CD109: variants seen among roughly 807,000 people sequenced by gnomAD.
The protein encoded by CD109 is CD109 antigen.
In CD109, 149 loss-of-function variants were observed where a neutral mutation model predicts 165.8. The observed-to-expected ratio is 0.90, with a 90% CI of 0.79 to 1.03. The LOEUF (loss-of-function observed/expected upper bound fraction) is 1.03, where lower values mean the gene tolerates loss of function less well. CD109 is among the 50% of genes least tolerant of loss of function. The probability of loss-of-function intolerance (pLI) is 0.00; values close to 1 mark genes in which losing one functional copy is unlikely to be tolerated. For missense variants in CD109, 1,712 were observed against 1,677.8 expected, an observed-to-expected ratio of 1.02 and a Z score of -0.36; for synonymous variants, 585 against 592.1, an observed-to-expected ratio of 0.99 and a Z score of 0.18.
At chr6:73,756,026 C>T (rs938207839) in intron 5 of CD109, among the ~76,000 whole-genome samples, 5 of 151,890 alleles carry the variant, frequency 3.3e-5, no homozygotes, top group South Asian at 4.1e-4. Context: ...ATAAATGATA[C>T]GATAATAGCC....
intron 5 of CD109, among the ~76,000 whole-genome samples, chr6:73,755,966 AC>A (rs1773373870): frequency 1.3e-5 from 2 of 152,090 alleles, no homozygotes; most frequent in Non-Finnish European, 2.9e-5. Flanking sequence ...GTCTGAAAAA[AC>A]AAAAACAAAA....
chr6:73,800,917 G>A (rs1775339196), intron 23 of CD109, among the ~76,000 whole-genome samples: 2 of 151,852 alleles, frequency 1.3e-5, no homozygotes, highest in Admixed American at 1.3e-4. Context: ...TAATTTATTT[G>A]TTAAGCCTTG....
At chr6:73,797,450 G>A (rs948989553) in intron 23 of CD109, among the ~76,000 whole-genome samples, 1 of 152,160 alleles carries the variant, frequency 6.6e-6, no homozygotes, top group African/African-American at 2.4e-5. Context: ...TTCAGAATTC[G>A]GATGTTGCCA....
intron 23 of CD109, among the ~76,000 whole-genome samples, chr6:73,802,006 G>A (rs1775372752): frequency 1.3e-5 from 2 of 152,048 alleles, no homozygotes; most frequent in South Asian, 2.1e-4. Flanking sequence ...TTTATTTTTA[G>A]CAAGTTAGTT....
intron 31 of CD109, among the ~76,000 whole-genome samples, chr6:73,820,012 T>C (rs3012570): frequency 0.59 from 89,050 of 152,058 alleles, 26,919 homozygotes; most frequent in African/African-American, 0.74. Flanking sequence ...ATAGGCTGGC[T>C]TTGTGTACCC....
At position 73,810,193 on chromosome 6, in the gene CD109, T is replaced by A; in HGVS notation, c.3546+19T>A. The A allele has an allele frequency of 7.1e-7, 1 of 1,402,126 alleles. No individual in the cohort carries two copies. Among genetic ancestry groups the A allele is most frequent in the Non-Finnish European group, 9.6e-7 (1 of 1,045,254 alleles). 86.9% of individuals were successfully genotyped at this position (1,402,126 alleles called of 1,614,324 possible). ...TACTCAGGTGAGAGATGATAGTTTT[T>A]TCCCTTTAAACTATAATATATAATA... On this transcript the variant is annotated intron_variant, in intron 27 of 32. Transcript: ENST00000287097.
rs1449378985 is a variant in CD109 at position 73,782,660 on chromosome 6, A to G, written c.2010A>G (p.Gly670=). Residue 670 remains glycine (G), a synonymous_variant, in exon 18 of 33, where the codon GGA becomes GGG. Coordinates refer to ENST00000287097, the MANE Select transcript of CD109 (RefSeq NM_133493.5). ...AGAGGTTTATGGAGGAAAATGAAGGACATATTGTAGATATTCATGACTTTT... is the reference window on the plus strand; with the variant it reads ...AGAGGTTTATGGAGGAAAATGAAGGGCATATTGTAGATATTCATGACTTTT... ...YAERFMEENE[G]HIVDIHDFSL... 6.2e-7 allele frequency: 1 copy of G among 1,613,716 alleles called. No individual in the cohort carries two copies. Among genetic ancestry groups the G allele is most frequent in the Non-Finnish European group, 8.5e-7 (1 of 1,179,724 alleles).
chr6:73,775,446 C>A lies in CD109; in HGVS notation c.1827+3865C>A, dbSNP rs191534704. 5.3e-5 allele frequency among the ~76,000 whole-genome samples: 8 copies of A among 152,134 alleles called. No homozygotes were observed. The East Asian group carries it at 1.5e-3, about 29-fold the overall frequency. ...ATCCCACATATCTGCTATTTTGTAT[C>A]CCTTGACCTCTATATTCCCATTTTC... is the stretch of plus-strand genomic sequence containing the variant. On this transcript the variant is annotated intron_variant, in intron 15 of 32. Coordinates refer to ENST00000287097, the MANE Select transcript of CD109 (RefSeq NM_133493.5).
intron 3 of CD109, 57 bp downstream of exon 3, chr6:73,723,336 T>G: frequency 7.9e-7 from 1 of 1,262,546 alleles, no homozygotes; most frequent in East Asian, 2.3e-5. Flanking sequence ...GTGAACTAAA[T>G]AAATTAATAT....
intron 15 of CD109, among the ~76,000 whole-genome samples, chr6:73,778,575 G>T (rs1467063682): frequency 6.6e-6 from 1 of 152,160 alleles, no homozygotes; most frequent in Non-Finnish European, 1.5e-5. Context: ...GACAGAGTTG[G>T]AGTCATGGAA....
chr6:73,760,257 A>C (rs886466896), intron 7 of CD109, among the ~76,000 whole-genome samples: 1 of 151,658 alleles, frequency 6.6e-6, no homozygotes, highest in Non-Finnish European at 1.5e-5. Context: ...AATACAAAAA[A>C]TTAGCCGGGC....
chr6:73,762,305 G>A (rs1233242076), intron 7 of CD109, 79 bp from the exon 8 acceptor site: 2 of 905,006 alleles, frequency 2.2e-6, no homozygotes, highest in Non-Finnish European at 3.6e-6. Flanking sequence ...GCTAATGTAT[G>A]CTATTGAAAG....
chr6:73,753,837 A>G (rs949986242), intron 5 of CD109, among the ~76,000 whole-genome samples: 1 of 152,198 alleles, frequency 6.6e-6, no homozygotes, highest in African/African-American at 2.4e-5. Context: ...ATGCTGCCTG[A>G]TAACTGAGGC....
intron 23 of CD109, among the ~76,000 whole-genome samples, chr6:73,800,676 G>T (rs1775330002): frequency 6.6e-6 from 1 of 152,178 alleles, no homozygotes; most frequent in Admixed American, 6.5e-5. Context: ...CTGTTATGAA[G>T]TTGAATGTGT....
At chr6:73,696,595 A>G (rs1017914419) in intron 1 of CD109, among the ~76,000 whole-genome samples, 1 of 152,138 alleles carries the variant, frequency 6.6e-6, no homozygotes, top group African/African-American at 2.4e-5. Flanking sequence ...TTGCTTCTCA[A>G]CTTTTTGCTC....
intron 7 of CD109, among the ~76,000 whole-genome samples, chr6:73,760,406 C>CAAAAAAA (rs35181896): frequency 6.0e-5 from 1 of 16,600 alleles, no homozygotes; most frequent in Non-Finnish European, 1.3e-4. Flanking sequence ...GACCCCGTCT[C>CAAAAAAA]AAAAAAAAAA....
rs987302705 is a variant in CD109 at position 73,826,911 on chromosome 6, A to G, written c.*3278A>G. The G allele has an allele frequency of 2.0e-5, 3 of 151,372 alleles. No individual in the cohort carries two copies. Among genetic ancestry groups the G allele is most frequent in the Non-Finnish European group, 2.9e-5 (2 of 67,912 alleles). The allele number at this position is 151,372 out of a possible 1,614,324, so 9.4% of individuals were successfully genotyped here. On this transcript the variant is annotated 3_prime_UTR_variant, in exon 33 of 33. Coordinates refer to ENST00000287097, the MANE Select transcript of CD109 (RefSeq NM_133493.5). ...GCTTTAATTTCTATTTATGCTAAAC[A>G]TATTTATAAGTAGTCTGTCAATATA... is the stretch of plus-strand genomic sequence containing the variant.
At chr6:73,714,022 A>G (rs1771631957) in intron 2 of CD109, among the ~76,000 whole-genome samples, 1 of 152,218 alleles carries the variant, frequency 6.6e-6, no homozygotes. Context: ...TTATGGAGCT[A>G]GCATAATAGT....
chr6:73,683,852 T>G, the CD109 span, among the ~76,000 whole-genome samples: 1 of 152,018 alleles, frequency 6.6e-6, no homozygotes, highest in African/African-American at 2.4e-5. Flanking sequence ...CCACCAGATC[T>G]CATGAGATTT....
Sources: allele counts gnomAD v4.1 joint callset (sites outside exome capture counted in the v4.1 genomes callset), GRCh38; gene constraint gnomAD v4.1.1; transcripts MANE v1.5; gene names NCBI Gene and HGNC (gene_info 2026-07-23, HGNC 2026-07-21).